The following ROBO2 variants were observed in gnomAD, a reference collection of about 807,000 sequenced individuals.
The protein encoded by ROBO2 is roundabout guidance receptor 2, also known as roundabout homolog 2.
In ROBO2, 53 loss-of-function variants were observed where a neutral mutation model predicts 160.8. The ratio of observed to expected loss-of-function variants is 0.33; its 90% CI spans 0.26 to 0.41. The LOEUF is 0.41. Ranked by LOEUF, ROBO2 falls within the 10% of genes least tolerant of loss-of-function variation. The pLI is 1.00. For synonymous variants in ROBO2, 664 were observed against 611.7 expected (o/e 1.09, Z -1.26); for missense variants, 1,577 against 1,722.4 (o/e 0.92, Z 1.49).
chr3:77,210,959 G>A (rs1204562424), intron 2 of ROBO2, among the ~76,000 whole-genome samples: 1 of 152,088 alleles, frequency 6.6e-6, no homozygotes, highest in Non-Finnish European at 1.5e-5. Context: ...TGGTGTATAT[G>A]TGCCACATTT....
At chr3:76,562,354 T>C (rs957624432) in intron 2 of ROBO2, among the ~76,000 whole-genome samples, 13 of 152,044 alleles carry the variant, frequency 8.6e-5, no homozygotes, top group African/African-American at 3.1e-4. Flanking sequence ...AATGAATGAA[T>C]ACACTCTCCG....
At chr3:76,821,505 C>T (rs1323820179) in intron 2 of ROBO2, among the ~76,000 whole-genome samples, 1 of 151,934 alleles carries the variant, frequency 6.6e-6, no homozygotes, top group Non-Finnish European at 1.5e-5. Context: ...AGCATTGGCC[C>T]TTTTTAACTG....
At chr3:77,476,138 C>T (rs1034304938) in intron 2 of ROBO2, among the ~76,000 whole-genome samples, 4 of 152,188 alleles carry the variant, frequency 2.6e-5, no homozygotes, top group Admixed American at 6.5e-5. Flanking sequence ...TGAGTTGACT[C>T]TCTGGAGCTC....
At chr3:76,936,564 T>A (rs1417391537) in intron 2 of ROBO2, among the ~76,000 whole-genome samples, 1 of 151,906 alleles carries the variant, frequency 6.6e-6, no homozygotes, top group East Asian at 1.9e-4. Context: ...CAAGGACTGA[T>A]AAATTAATTA....
intron 2 of ROBO2, among the ~76,000 whole-genome samples, chr3:76,548,842 G>A (rs2108325829): frequency 6.6e-6 from 1 of 152,152 alleles, no homozygotes; most frequent in Admixed American, 6.5e-5. Context: ...TCAATTACCA[G>A]AAAAATGTAT....
At chr3:76,226,731 A>C (rs1051440764) in intron 2 of ROBO2, among the ~76,000 whole-genome samples, 3 of 152,130 alleles carry the variant, frequency 2.0e-5, no homozygotes, top group Middle Eastern at 3.4e-3. Flanking sequence ...CATTTCCTTC[A>C]CTTTGGCAGT....
chr3:77,398,004 G>A (rs1057380654), intron 2 of ROBO2, among the ~76,000 whole-genome samples: 1 of 152,046 alleles, frequency 6.6e-6, no homozygotes, highest in Non-Finnish European at 1.5e-5. Flanking sequence ...TTAACATTTA[G>A]ATGTATTGTT....
intron 2 of ROBO2, among the ~76,000 whole-genome samples, chr3:76,659,084 G>A (rs1188865145): frequency 2.6e-5 from 4 of 151,988 alleles, no homozygotes; most frequent in Non-Finnish European, 5.9e-5. Flanking sequence ...TGATGTTTCA[G>A]CTCCCTTAGA....
In ROBO2 at chr3:76,439,032, T is replaced by C. The variant is rs112269183; in HGVS notation, c.109+501430T>C. The stretch of plus-strand genomic sequence containing the variant: ...TGATTGTGTGTTGCTGCATAGACAA[T>C]GGAGAAAGGATAACTTTTTAAATGT... On this transcript the variant is annotated intron_variant, in intron 2 of 26. Transcript: ENST00000487694. Among the ~76,000 whole-genome samples, 75 of 152,204 alleles carry C rather than the reference T, an allele frequency of 4.9e-4. 1 individual carries two copies. The highest frequency in any genetic ancestry group is 1.5e-3 in the African/African-American group (62 of 41,552).
At chr3:77,098,029 A>G (rs1288161731) in exon 2 of ROBO2, 1 of 1,573,484 alleles carries the variant, frequency 6.4e-7, no homozygotes, top group South Asian at 1.1e-5. Context: ...CGTCTTCGCC[A>G]GGAGGACTTT....
At chr3:76,527,528 G>A (rs2082011137) in intron 2 of ROBO2, among the ~76,000 whole-genome samples, 1 of 151,918 alleles carries the variant, frequency 6.6e-6, no homozygotes, top group Non-Finnish European at 1.5e-5. Context: ...CCCAAACCAG[G>A]CCTTCTTCAT....
intron 2 of ROBO2, among the ~76,000 whole-genome samples, chr3:77,157,668 T>C (rs1431477177): frequency 6.6e-6 from 1 of 152,092 alleles, no homozygotes; most frequent in Non-Finnish European, 1.5e-5. Context: ...ATAAATTGAT[T>C]TGAGTATTCT....
chr3:77,328,580 A>G (rs2028511), intron 2 of ROBO2, among the ~76,000 whole-genome samples: 65,561 of 152,094 alleles, frequency 0.43, 17,450 homozygotes, highest in Non-Finnish European at 0.61. Context: ...TGTTTAACTT[A>G]TAGTAATGAT....
chr3:76,470,515 C>T (rs1014752809), intron 2 of ROBO2, among the ~76,000 whole-genome samples: 1 of 152,060 alleles, frequency 6.6e-6, no homozygotes, highest in African/African-American at 2.4e-5. Context: ...ACTGAATCCC[C>T]TATTGTGGCC....
intron 2 of ROBO2, among the ~76,000 whole-genome samples, chr3:76,856,423 A>G (rs950797534): frequency 1.3e-4 from 20 of 152,140 alleles, no homozygotes; most frequent in Non-Finnish European, 2.2e-4. Flanking sequence ...ATTCCCTCCA[A>G]TCCTGCCTGG....
chr3:76,733,911 TG>T (rs1420206303), intron 2 of ROBO2, among the ~76,000 whole-genome samples: 1 of 152,172 alleles, frequency 6.6e-6, no homozygotes, highest in Non-Finnish European at 1.5e-5. Flanking sequence ...GCCTGTTTCA[TG>T]GTTTGTAACT....
intron 2 of ROBO2, among the ~76,000 whole-genome samples, chr3:76,280,632 C>T (rs935434220): frequency 6.6e-6 from 1 of 152,020 alleles, no homozygotes; most frequent in African/African-American, 2.4e-5. Context: ...TCAGAGCCTT[C>T]TCTAATCTCT....
At chr3:76,514,960 G>T (rs1381213660) in intron 2 of ROBO2, among the ~76,000 whole-genome samples, 4 of 152,118 alleles carry the variant, frequency 2.6e-5, no homozygotes, top group Non-Finnish European at 5.9e-5. Flanking sequence ...GGTGGTGTTT[G>T]CATAATGTTT....
chr3:77,352,525 C>T (rs28734095), intron 2 of ROBO2, among the ~76,000 whole-genome samples: 47,672 of 151,818 alleles, frequency 0.31, 7,962 homozygotes, highest in Non-Finnish European at 0.38. Flanking sequence ...TGCAAGGCTA[C>T]GACATGCTTT....
Sources: gnomAD v4.1 joint callset for allele counts (sites outside exome capture counted in the v4.1 genomes callset) on GRCh38, gnomAD v4.1.1 for gene constraint, MANE v1.5 for transcripts, NCBI Gene and HGNC (gene_info 2026-07-23, HGNC 2026-07-21) for gene names.